Variants in MYO16 observed in about 807,000 individuals in gnomAD.
MYO16 encodes the protein unconventional myosin-XVI.
A neutral mutation model predicts 205.3 loss-of-function variants in MYO16; 94 were observed. The ratio of observed to expected loss-of-function variants is 0.46; its 90% CI spans 0.39 to 0.54. MYO16 has a LOEUF of 0.54. MYO16 is among the 20% of genes least tolerant of loss of function. MYO16 has a pLI of 0.00. For missense variants in MYO16, 2,315 were observed against 2,387.5 expected, an observed-to-expected ratio of 0.97 and a Z score of 0.63; for synonymous variants, 988 against 954.0, an observed-to-expected ratio of 1.04 and a Z score of -0.66.
chr13:108,670,569 G>C (rs944922345), intron 2 of MYO16, among the ~76,000 whole-genome samples: 1 of 152,142 alleles, frequency 6.6e-6, no homozygotes, highest in Non-Finnish European at 1.5e-5. Context: ...ATGCAAGTAT[G>C]GGAGAACAAA....
the MYO16 span, among the ~76,000 whole-genome samples, chr13:108,586,540 T>A: frequency 4.6e-5 from 7 of 152,332 alleles, no homozygotes; most frequent in East Asian, 1.4e-3. Flanking sequence ...ACTCCTTCCC[T>A]GGAGATGAAG....
chr13:108,823,705 T>G (rs1302887046), intron 9 of MYO16, among the ~76,000 whole-genome samples: 3 of 152,130 alleles, frequency 2.0e-5, no homozygotes, highest in Non-Finnish European at 4.4e-5. Flanking sequence ...CCTGTTGCAT[T>G]GAAAATATCA....
intron 12 of MYO16, among the ~76,000 whole-genome samples, chr13:108,879,571 C>G (rs1304950845): frequency 6.6e-6 from 1 of 152,144 alleles, no homozygotes; most frequent in Non-Finnish European, 1.5e-5. Context: ...TCCAAGCGTT[C>G]TCACTGTTCA....
chr13:108,639,937 T>C (rs1229563038), intron 1 of MYO16, among the ~76,000 whole-genome samples: 1 of 152,226 alleles, frequency 6.6e-6, no homozygotes, highest in African/African-American at 2.4e-5. Context: ...CAGCTATGTG[T>C]ATGGTGTTAC....
In MYO16 at chr13:108,951,110, G is replaced by A. The variant is rs75725224; in HGVS notation, c.1926-6578G>A. Among the ~76,000 whole-genome samples, 1,187 of 151,728 alleles carry A rather than the reference G, an allele frequency of 7.8e-3. 14 individuals are homozygous for A. The highest frequency in any genetic ancestry group is 0.028 in the African/African-American group (1,141 of 41,336). ...CAGAGCTTCTTTTTCTTATGATTACGCGTAATACTTTTTGATATTTAGAAA... is the reference window on the plus strand; with the variant it reads ...CAGAGCTTCTTTTTCTTATGATTACACGTAATACTTTTTGATATTTAGAAA... On this transcript the variant is annotated intron_variant, in intron 16 of 34. Coordinates refer to ENST00000457511, the MANE Select transcript of MYO16 (RefSeq NM_001198950.3).
At chr13:108,508,930 T>C in the MYO16 span, among the ~76,000 whole-genome samples, 3 of 152,352 alleles carry the variant, frequency 2.0e-5, no homozygotes, top group East Asian at 3.9e-4. Flanking sequence ...TTTAGTTTAA[T>C]TTTAACCAGA....
intron 24 of MYO16, chr13:109,048,453 T>C: frequency 1.7e-6 from 1 of 588,898 alleles, no homozygotes; most frequent in Non-Finnish European, 3.1e-6. Flanking sequence ...TTTTAGACCT[T>C]GTGCACCATA....
At chr13:108,582,390 T>C in the MYO16 span, among the ~76,000 whole-genome samples, 134,622 of 152,160 alleles carry the variant, frequency 0.88, 61,621 homozygotes, top group Non-Finnish European at 1. Context: ...GTAATGGAAA[T>C]ACAAAGTAAA....
At chr13:109,086,244 T>C (rs558099327) in intron 27 of MYO16, among the ~76,000 whole-genome samples, 10 of 152,316 alleles carry the variant, frequency 6.6e-5, no homozygotes, top group Non-Finnish European at 1.2e-4. Context: ...GAGGGCCCAC[T>C]GGACAATGCC....
chr13:109,117,428 GTATA>G (rs903434330), intron 28 of MYO16, among the ~76,000 whole-genome samples: 1 of 92,720 alleles, frequency 1.1e-5, no homozygotes, highest in Non-Finnish European at 2.3e-5. Flanking sequence ...ATGTATATGT[GTATA>G]TATATGTATA....
At chr13:108,726,074 G>A (rs907952928) in intron 3 of MYO16, among the ~76,000 whole-genome samples, 6 of 152,118 alleles carry the variant, frequency 3.9e-5, no homozygotes, top group African/African-American at 7.2e-5. Context: ...GTAAATTTGT[G>A]TGCCAGTGCT....
intron 2 of MYO16, among the ~76,000 whole-genome samples, chr13:108,701,507 A>G (rs1458149078): frequency 6.6e-6 from 1 of 152,286 alleles, no homozygotes; most frequent in East Asian, 1.9e-4. Flanking sequence ...AGTTCTCACA[A>G]TATGCTGGCC....
intron 11 of MYO16, among the ~76,000 whole-genome samples, chr13:108,856,816 T>G (rs1038328222): frequency 6.6e-6 from 1 of 152,144 alleles, no homozygotes; most frequent in African/African-American, 2.4e-5. Flanking sequence ...TCTAACAACC[T>G]CCTAACTTTC....
intron 27 of MYO16, among the ~76,000 whole-genome samples, chr13:109,092,468 A>T (rs755770467): frequency 6.6e-6 from 1 of 152,228 alleles, no homozygotes; most frequent in Non-Finnish European, 1.5e-5. Context: ...TCCTTAGCAA[A>T]CCAACAGAGG....
the MYO16 span, among the ~76,000 whole-genome samples, chr13:108,537,808 T>C: frequency 3.3e-5 from 5 of 152,166 alleles, no homozygotes; most frequent in African/African-American, 9.6e-5. Context: ...ATGTCTTTTT[T>C]TGAGAAATGT....
At chr13:108,895,478 C>T (rs1014808531) in intron 14 of MYO16, among the ~76,000 whole-genome samples, 1 of 152,148 alleles carries the variant, frequency 6.6e-6, no homozygotes, top group African/African-American at 2.4e-5. Context: ...TTAATCTTGA[C>T]TCATGGATGA....
intron 32 of MYO16, among the ~76,000 whole-genome samples, chr13:109,151,351 G>A (rs1425372213): frequency 2.0e-5 from 3 of 152,064 alleles, no homozygotes; most frequent in Non-Finnish European, 4.4e-5. Flanking sequence ...GGCAATTAGT[G>A]GCCATTTGCA....
chr13:108,668,502 G>A (rs1003973023), intron 2 of MYO16, among the ~76,000 whole-genome samples: 3 of 152,170 alleles, frequency 2.0e-5, no homozygotes, highest in Non-Finnish European at 4.4e-5. Flanking sequence ...TAGGTCTGAG[G>A]TGAGGTATGG....
At chr13:108,916,656 G>A (rs1399482949) in intron 16 of MYO16, among the ~76,000 whole-genome samples, 1 of 152,152 alleles carries the variant, frequency 6.6e-6, no homozygotes, top group East Asian at 1.9e-4. Context: ...TACCCTAGGT[G>A]GACAGTGTAG....
Sources: gnomAD v4.1 joint callset for allele counts (sites outside exome capture counted in the v4.1 genomes callset) on GRCh38, gnomAD v4.1.1 for gene constraint, MANE v1.5 for transcripts, NCBI Gene and HGNC (gene_info 2026-07-23, HGNC 2026-07-21) for gene names.